KDM6A: variants seen among roughly 807,000 people sequenced by gnomAD.
The protein encoded by KDM6A is lysine demethylase 6A, also known as lysine-specific demethylase 6A.
In KDM6A, 11 loss-of-function variants were observed where a neutral mutation model predicts 117.6. The observed-to-expected ratio is 0.09, with a 90% CI of 0.06 to 0.15. KDM6A has a LOEUF of 0.15. Ranked by LOEUF, KDM6A falls within the 10% of genes least tolerant of loss-of-function variation. KDM6A has a pLI of 1.00. For missense variants in KDM6A, 799 were observed against 1,077.3 expected, an observed-to-expected ratio of 0.74 and a Z score of 3.62; for synonymous variants, 384 against 396.1, an observed-to-expected ratio of 0.97 and a Z score of 0.36.
At chrX:44,956,637 C>T (rs1417498885) in intron 2 of KDM6A, among the ~76,000 whole-genome samples, 1 of 111,220 alleles carries the variant, frequency 9.0e-6, no homozygotes, top group African/African-American at 3.3e-5. Flanking sequence ...CTCCTGGGCT[C>T]AAGGAATCCT....
At chrX:45,067,841 A>G (rs761969901) in intron 17 of KDM6A, among the ~76,000 whole-genome samples, 3 of 109,738 alleles carry the variant, frequency 2.7e-5, no homozygotes, top group South Asian at 3.9e-4. Context: ...TAATAGAGAC[A>G]GGGCTTCACC....
chrX:45,049,449 T>G (rs2043736720), intron 8 of KDM6A, among the ~76,000 whole-genome samples: 1 of 112,257 alleles, frequency 8.9e-6, no homozygotes, highest in Non-Finnish European at 1.9e-5. Context: ...CTTTATACTT[T>G]TACCTTTCAT....
At position 45,111,993 on chromosome X, in the gene KDM6A, C is replaced by T. The variant is rs2046782470; in HGVS notation, c.*582C>T. The T allele has an allele frequency of 6.0e-6, 1 of 167,572 alleles. No individual in the cohort carries two copies. The highest frequency in any genetic ancestry group is 3.0e-5 in the African/African-American group (1 of 33,360). 13.8% of individuals were successfully genotyped at this position (167,572 alleles called of 1,213,427 possible). A position where few individuals can be genotyped will look rare whatever the true frequency, so the allele number is the denominator to read the frequency against. On this transcript the variant is annotated 3_prime_UTR_variant, in exon 30 of 30. Coordinates refer to ENST00000611820, the MANE Select transcript of KDM6A (RefSeq NM_001291415.2). Reference sequence around the variant, plus strand: ...GCCAAGTCACAAAGGTAATGGATTGCACATAGACTAAGGAATAAACTTCAG... The same window carrying T: ...GCCAAGTCACAAAGGTAATGGATTGTACATAGACTAAGGAATAAACTTCAG...
chrX:45,018,423 AAC>A (rs1397246515), intron 5 of KDM6A, among the ~76,000 whole-genome samples: 1 of 111,716 alleles, frequency 9.0e-6, no homozygotes, highest in Non-Finnish European at 1.9e-5. Context: ...CTTATAGATT[AAC>A]AGTGTGTTTT....
At chrX:44,901,980 AC>A (rs2034377305) in intron 2 of KDM6A, among the ~76,000 whole-genome samples, 1 of 112,464 alleles carries the variant, frequency 8.9e-6, no homozygotes, top group Non-Finnish European at 1.9e-5. Flanking sequence ...TAATCCCAGC[AC>A]TTTGGGAGGC....
chrX:45,071,744 T>G lies in KDM6A; in HGVS notation c.2858+1387T>G, dbSNP rs182807702. Among the ~76,000 whole-genome samples, 129 of 104,798 alleles carry G rather than the reference T, an allele frequency of 1.2e-3. 1 individual carries two copies. Among genetic ancestry groups the G allele is most frequent in the East Asian group, 4.5e-3 (15 of 3,304 alleles). 91.0% of individuals were successfully genotyped at this position (104,798 alleles called of 115,157 possible). A position where few individuals can be genotyped will look rare whatever the true frequency, so the allele number is the denominator to read the frequency against. ...CTTTTGGTCTGTGTTTTCTTTTCTT[T>G]TCTTGTCTTTTCTTGTCTTTTCTTG... On this transcript the variant is annotated intron_variant, in intron 18 of 29. Coordinates refer to ENST00000611820, the MANE Select transcript of KDM6A (RefSeq NM_001291415.2).
At chrX:44,922,475 T>G (rs1236293564) in intron 2 of KDM6A, among the ~76,000 whole-genome samples, 1 of 111,955 alleles carries the variant, frequency 8.9e-6, no homozygotes, top group Non-Finnish European at 1.9e-5. Context: ...TTGAATTTTT[T>G]TTTGTTTGTT....
intron 7 of KDM6A, among the ~76,000 whole-genome samples, chrX:45,036,333 ACT>A (rs1363521948): frequency 4.5e-5 from 5 of 111,205 alleles, no homozygotes; most frequent in Admixed American, 1.9e-4. Flanking sequence ...ATCAGCGAAA[ACT>A]CTGTAGAATT....
intron 5 of KDM6A, among the ~76,000 whole-genome samples, chrX:45,018,659 C>G (rs975460630): frequency 3.6e-5 from 4 of 111,870 alleles, no homozygotes; most frequent in African/African-American, 1.3e-4. Flanking sequence ...CCTTCTCCTT[C>G]TCTTCCTGAC....
chrX:44,916,172 G>A (rs947531969), intron 2 of KDM6A, among the ~76,000 whole-genome samples: 2 of 110,996 alleles, frequency 1.8e-5, no homozygotes, highest in African/African-American at 6.6e-5. Flanking sequence ...GGCATTCACT[G>A]GGGTCTTGGA....
Position 45,111,462 on chromosome X carries a change from C to T in KDM6A, c.*51C>T, listed in dbSNP as rs1250541292. 1 of 1,017,112 alleles carries T rather than the reference C, an allele frequency of 9.8e-7. No homozygotes were observed. The highest frequency in any genetic ancestry group is 2.2e-5 in the Admixed American group (1 of 45,245). 83.8% of individuals were successfully genotyped at this position (1,017,112 alleles called of 1,213,427 possible). On this transcript the variant is annotated 3_prime_UTR_variant, in exon 30 of 30. Coordinates refer to ENST00000611820, the MANE Select transcript of KDM6A (RefSeq NM_001291415.2). ...ACCTTTTCTGCTATTCAGGAAATAA[C>T]CCAGTTCTGCACCACTGGTTTTTGT...
At chrX:44,930,403 A>G (rs1287866490) in intron 2 of KDM6A, among the ~76,000 whole-genome samples, 1 of 111,556 alleles carries the variant, frequency 9.0e-6, no homozygotes, top group Admixed American at 9.5e-5. Flanking sequence ...TTTGTTCTAA[A>G]CCTCCTGTAG....
At chrX:44,940,548 T>G (rs928813022) in intron 2 of KDM6A, among the ~76,000 whole-genome samples, 1 of 111,939 alleles carries the variant, frequency 8.9e-6, no homozygotes, top group Non-Finnish European at 1.9e-5. Context: ...TTATTTGCTT[T>G]TCTTTAAATG....
intron 4 of KDM6A, among the ~76,000 whole-genome samples, chrX:44,986,426 T>C (rs2040230785): frequency 1.8e-5 from 2 of 111,617 alleles, no homozygotes; most frequent in South Asian, 7.5e-4. Flanking sequence ...TCTGCTCTGA[T>C]CTTAGTTATT....
chrX:45,066,864 A>G (rs754818669), intron 17 of KDM6A, among the ~76,000 whole-genome samples: 1 of 112,286 alleles, frequency 8.9e-6, no homozygotes, highest in African/African-American at 3.2e-5. Flanking sequence ...GGGAGCCCCC[A>G]GCCTTTGCTT....
At chrX:44,949,993 T>C (rs951133676) in intron 2 of KDM6A, among the ~76,000 whole-genome samples, 2 of 110,952 alleles carry the variant, frequency 1.8e-5, no homozygotes, top group East Asian at 5.6e-4. Flanking sequence ...GCAAATTAAA[T>C]TAAAAAATAA....
intron 3 of KDM6A, among the ~76,000 whole-genome samples, chrX:44,970,428 G>T (rs934588547): frequency 1.4e-4 from 15 of 110,541 alleles, no homozygotes; most frequent in Admixed American, 3.9e-4. Context: ...TTCTTTGGGG[G>T]TTTTTTTGTA....
At chrX:44,891,594 A>T (rs1326289815) in intron 2 of KDM6A, among the ~76,000 whole-genome samples, 1 of 111,908 alleles carries the variant, frequency 8.9e-6, no homozygotes. Context: ...ATAGCACTTG[A>T]ATGTAAATTT....
chrX:44,892,728 G>T (rs1360867601), intron 2 of KDM6A, among the ~76,000 whole-genome samples: 1 of 108,552 alleles, frequency 9.2e-6, no homozygotes, highest in Non-Finnish European at 1.9e-5. Flanking sequence ...AGTTGTCTGG[G>T]CATGGTGGCT....
Sources: gnomAD v4.1 joint callset for allele counts (sites outside exome capture counted in the v4.1 genomes callset) on GRCh38, gnomAD v4.1.1 for gene constraint, MANE v1.5 for transcripts, NCBI Gene and HGNC (gene_info 2026-07-23, HGNC 2026-07-21) for gene names.